Variants in ANGPT1 observed in about 807,000 individuals in gnomAD.
ANGPT1 encodes the protein angiopoietin-1.
ANGPT1 carries 17 observed loss-of-function variants against 62.2 expected under a neutral mutation model. The ratio of observed to expected loss-of-function variants is 0.27; its 90% CI spans 0.19 to 0.41. The LOEUF is 0.41. Ranked by LOEUF, ANGPT1 falls within the 10% of genes least tolerant of loss-of-function variation. The pLI is 1.00. For synonymous variants in ANGPT1, 199 were observed against 198.9 expected, an observed-to-expected ratio of 1.00 and a Z score of 0.00; for missense variants, 478 against 594.9, an observed-to-expected ratio of 0.80 and a Z score of 2.04.
intron 1 of ANGPT1, among the ~76,000 whole-genome samples, chr8:107,388,577 C>A (rs1816777058): frequency 1.3e-5 from 2 of 152,058 alleles, no homozygotes; most frequent in Admixed American, 1.3e-4. Flanking sequence ...TGAAAAAATA[C>A]CCCAAACCGC....
intron 1 of ANGPT1, among the ~76,000 whole-genome samples, chr8:107,433,483 T>C (rs1055593410): frequency 5.9e-5 from 9 of 152,208 alleles, no homozygotes; most frequent in Non-Finnish European, 1.3e-4. Flanking sequence ...GAGTAAAGTA[T>C]TAAAAGCAAA....
intron 4 of ANGPT1, among the ~76,000 whole-genome samples, chr8:107,311,527 G>A (rs969158084): frequency 6.6e-6 from 1 of 151,984 alleles, no homozygotes; most frequent in East Asian, 1.9e-4. Flanking sequence ...ATAATACTAC[G>A]ATATACATAA....
intron 6 of ANGPT1, among the ~76,000 whole-genome samples, chr8:107,289,407 T>G (rs1586191371): frequency 6.6e-6 from 1 of 152,174 alleles, no homozygotes; most frequent in East Asian, 1.9e-4. Flanking sequence ...TGACTTTTTA[T>G]AGATGAAGTA....
chr8:107,369,141 A>G (rs901452455), intron 1 of ANGPT1, among the ~76,000 whole-genome samples: 3 of 152,194 alleles, frequency 2.0e-5, no homozygotes, highest in African/African-American at 7.2e-5. Flanking sequence ...CAGTGATTTT[A>G]TCTAGATCTT....
chr8:107,267,999 A>T (rs1452865549), intron 7 of ANGPT1, among the ~76,000 whole-genome samples: 1 of 152,116 alleles, frequency 6.6e-6, no homozygotes, highest in African/African-American at 2.4e-5. Context: ...CTCAAAGAGC[A>T]TCAAATCAGC....
intron 1 of ANGPT1, among the ~76,000 whole-genome samples, chr8:107,479,140 AT>A (rs11381920): frequency 1.1e-4 from 17 of 149,870 alleles, no homozygotes; most frequent in African/African-American, 2.2e-4. Flanking sequence ...TATCTTCCAG[AT>A]TTTTTTTTTG....
intron 1 of ANGPT1, among the ~76,000 whole-genome samples, chr8:107,388,595 T>G (rs1283706): frequency 2.0e-5 from 3 of 151,890 alleles, no homozygotes; most frequent in African/African-American, 7.3e-5. Context: ...CGCCTGATTA[T>G]ACCGTTCCTG....
At chr8:107,487,692 A>G (rs1036180084) in intron 1 of ANGPT1, among the ~76,000 whole-genome samples, 11 of 152,220 alleles carry the variant, frequency 7.2e-5, no homozygotes, top group Non-Finnish European at 1.0e-4. Context: ...ATTATTTTAT[A>G]TAGTTTAAAC....
At chr8:107,280,441 T>C (rs2130116216) in intron 7 of ANGPT1, among the ~76,000 whole-genome samples, 1 of 152,096 alleles carries the variant, frequency 6.6e-6, no homozygotes, top group Admixed American at 6.6e-5. Context: ...TTCCCGGAAG[T>C]GGAAGAAAGA....
At chr8:107,458,157 C>T (rs1424568240) in intron 1 of ANGPT1, among the ~76,000 whole-genome samples, 1 of 152,106 alleles carries the variant, frequency 6.6e-6, no homozygotes, top group Non-Finnish European at 1.5e-5. Flanking sequence ...ATGTTGCAGA[C>T]ATTAATTACA....
intron 1 of ANGPT1, among the ~76,000 whole-genome samples, chr8:107,432,282 A>G (rs2130407875): frequency 6.6e-6 from 1 of 152,342 alleles, no homozygotes; most frequent in Admixed American, 6.5e-5. Flanking sequence ...TAACGATGTT[A>G]TAAGAGTCAG....
At chr8:107,295,550 T>C (rs1814392516) in intron 5 of ANGPT1, 1 of 152,118 alleles carries the variant, frequency 6.6e-6, no homozygotes, top group Non-Finnish European at 1.5e-5. Flanking sequence ...ACTGATCCCA[T>C]AGAATTAAGG....
chr8:107,353,629 A>G (rs1468020315), intron 1 of ANGPT1, among the ~76,000 whole-genome samples: 5 of 152,026 alleles, frequency 3.3e-5, no homozygotes, highest in African/African-American at 1.2e-4. Context: ...CTTCAGATGC[A>G]TCACCTCACA....
intron 1 of ANGPT1, among the ~76,000 whole-genome samples, chr8:107,426,575 C>G (rs1811048248): frequency 6.6e-6 from 1 of 152,130 alleles, no homozygotes; most frequent in Non-Finnish European, 1.5e-5. Context: ...TTTCCTTCCC[C>G]CCTCTACTCT....
intron 1 of ANGPT1, among the ~76,000 whole-genome samples, chr8:107,380,597 T>C (rs566798896): frequency 6.6e-6 from 1 of 152,292 alleles, no homozygotes; most frequent in South Asian, 2.1e-4. Flanking sequence ...GTTCACCATC[T>C]ATGAACTGTA....
chr8:107,465,822 T>C (rs1010715519), intron 1 of ANGPT1, among the ~76,000 whole-genome samples: 1 of 152,188 alleles, frequency 6.6e-6, no homozygotes, highest in African/African-American at 2.4e-5. Context: ...ACTGTGGTTC[T>C]TCTGCCATCA....
At chr8:107,313,301 C>T (rs964470035) in intron 4 of ANGPT1, among the ~76,000 whole-genome samples, 3 of 151,938 alleles carry the variant, frequency 2.0e-5, no homozygotes, top group South Asian at 2.1e-4. Context: ...TAACCCCACT[C>T]AGAATGTGAA....
intron 1 of ANGPT1, among the ~76,000 whole-genome samples, chr8:107,401,083 C>T (rs1343987016): frequency 6.6e-6 from 1 of 152,182 alleles, no homozygotes; most frequent in African/African-American, 2.4e-5. Flanking sequence ...CTACAATCAG[C>T]TTTCTAGCTT....
intron 1 of ANGPT1, among the ~76,000 whole-genome samples, chr8:107,479,949 T>C (rs916401627): frequency 2.6e-5 from 4 of 152,134 alleles, no homozygotes; most frequent in African/African-American, 9.7e-5. Context: ...TAAACTTATG[T>C]GAAACTGAAA....
Sources: allele counts gnomAD v4.1 joint callset (sites outside exome capture counted in the v4.1 genomes callset), GRCh38; gene constraint gnomAD v4.1.1; transcripts MANE v1.5; gene names NCBI Gene and HGNC (gene_info 2026-07-23, HGNC 2026-07-21).